CALN1: variants seen among roughly 807,000 people sequenced by gnomAD.
CALN1 encodes calcium-binding protein 8.
Under a neutral mutation model 30.6 loss-of-function variants are expected in CALN1, and 17 were observed. That is an observed-to-expected ratio of 0.56 (90% CI 0.38 to 0.83). The LOEUF is 0.83. Ranked by LOEUF, CALN1 falls within the 40% of genes least tolerant of loss-of-function variation. The pLI is 0.00. For synonymous variants in CALN1, 156 were observed against 131.4 expected (o/e 1.19, Z -1.28); for missense variants, 291 against 354.9 (o/e 0.82, Z 1.45).
At chr7:72,028,929 T>C (rs1801262858) in intron 4 of CALN1, among the ~76,000 whole-genome samples, 1 of 152,010 alleles carries the variant, frequency 6.6e-6, no homozygotes, top group Admixed American at 6.6e-5. Context: ...AGGTGGAGGT[T>C]GCAGTGAGCT....
At chr7:72,219,500 C>T (rs1372588865) in intron 3 of CALN1, among the ~76,000 whole-genome samples, 1 of 152,062 alleles carries the variant, frequency 6.6e-6, no homozygotes, top group Admixed American at 6.6e-5. Flanking sequence ...AAAGTGCTGG[C>T]ATTACAGGCA....
At chr7:72,406,974 C>T (rs1806738808) in intron 1 of CALN1, among the ~76,000 whole-genome samples, 1 of 152,034 alleles carries the variant, frequency 6.6e-6, no homozygotes, top group Non-Finnish European at 1.5e-5. Context: ...CTGAAAATGC[C>T]CCTGGAACAC....
intron 5 of CALN1, among the ~76,000 whole-genome samples, chr7:71,980,187 CT>C (rs60273576): frequency 0.13 from 14,029 of 107,150 alleles, 792 homozygotes; most frequent in East Asian, 0.39. Flanking sequence ...TCTTCTTTTT[CT>C]TTTTTTTTTT....
chr7:72,419,357 A>G (rs1182866285), intron 1 of CALN1, among the ~76,000 whole-genome samples: 1 of 152,120 alleles, frequency 6.6e-6, no homozygotes, highest in Non-Finnish European at 1.5e-5. Context: ...GGGAAGGAAG[A>G]TTCCTCAGGT....
chr7:71,909,164 G>T (rs1208621134), intron 5 of CALN1, among the ~76,000 whole-genome samples: 1 of 152,068 alleles, frequency 6.6e-6, no homozygotes, highest in Non-Finnish European at 1.5e-5. Flanking sequence ...CAATAGGCAG[G>T]CACCAACACG....
intron 2 of CALN1, among the ~76,000 whole-genome samples, chr7:72,357,748 A>G (rs114448336): frequency 0.014 from 2,084 of 151,302 alleles, 97 homozygotes; most frequent in African/African-American, 0.048. Flanking sequence ...CAGAGGTAAA[A>G]AGAAATAAAC....
the CALN1 span, among the ~76,000 whole-genome samples, chr7:72,485,883 A>G: frequency 6.6e-6 from 1 of 152,172 alleles, no homozygotes; most frequent in Non-Finnish European, 1.5e-5. Context: ...CAAAAAAAAA[A>G]AGTTAACTGT....
chr7:72,183,322 G>A (rs186986527), intron 3 of CALN1, among the ~76,000 whole-genome samples: 2 of 152,154 alleles, frequency 1.3e-5, no homozygotes, highest in Middle Eastern at 3.2e-3. Flanking sequence ...AGGCAAGGAG[G>A]GGGAGAGGGT....
chr7:72,401,955 G>A (rs1806369118), intron 2 of CALN1, among the ~76,000 whole-genome samples: 1 of 152,080 alleles, frequency 6.6e-6, no homozygotes, highest in Non-Finnish European at 1.5e-5. Flanking sequence ...TTTATCCTAG[G>A]CTGGTAAAAG....
chr7:72,496,861 A>G, the CALN1 span, among the ~76,000 whole-genome samples: 1 of 152,230 alleles, frequency 6.6e-6, no homozygotes, highest in Non-Finnish European at 1.5e-5. Context: ...CCTGGGCAAC[A>G]GAGCAAGACT....
In CALN1 at chr7:72,196,646, G is replaced by A. The variant is rs139595736; in HGVS notation, c.244+82040C>T. 1.2e-3 allele frequency among the ~76,000 whole-genome samples: 186 copies of A among 152,310 alleles called. 1 individual carries two copies. Among genetic ancestry groups the A allele is most frequent in the African/African-American group, 4.4e-3 (184 of 41,574 alleles). On this transcript the variant is annotated intron_variant, in intron 3 of 6. Coordinates refer to ENST00000395275, the MANE Select transcript of CALN1 (RefSeq NM_031468.4). ...AAGAAAGATCTAGAGAAGCACACTGGGAGATAGGCCCAACTGATGGTGGAC... is the reference window on the plus strand; with the variant it reads ...AAGAAAGATCTAGAGAAGCACACTGAGAGATAGGCCCAACTGATGGTGGAC...
At chr7:71,987,933 G>A (rs844694) in intron 5 of CALN1, among the ~76,000 whole-genome samples, 19,304 of 152,080 alleles carry the variant, frequency 0.13, 1,801 homozygotes, top group East Asian at 0.38. Context: ...CTCACTCCTC[G>A]AATCCAGCGG....
chr7:72,134,102 G>C (rs960782214), intron 3 of CALN1, among the ~76,000 whole-genome samples: 4 of 152,170 alleles, frequency 2.6e-5, no homozygotes, highest in Non-Finnish European at 5.9e-5. Context: ...GAGGGACCTA[G>C]CTTAGGCCCT....
intron 1 of CALN1, among the ~76,000 whole-genome samples, chr7:72,410,547 A>T (rs1402253896): frequency 6.6e-6 from 1 of 152,212 alleles, no homozygotes; most frequent in African/African-American, 2.4e-5. Context: ...CACATCTGAA[A>T]ACTGAAATGA....
intron 2 of CALN1, among the ~76,000 whole-genome samples, chr7:72,354,850 C>G (rs1803130180): frequency 1.3e-5 from 2 of 151,706 alleles, no homozygotes; most frequent in Admixed American, 1.3e-4. Flanking sequence ...AAAGAAAACC[C>G]AGGAGAAAAT....
At chr7:72,040,171 A>G (rs1317419230) in intron 4 of CALN1, among the ~76,000 whole-genome samples, 4 of 152,050 alleles carry the variant, frequency 2.6e-5, no homozygotes, top group African/African-American at 7.2e-5. Flanking sequence ...TTTAATGTCA[A>G]CCTCTTAAAA....
intron 2 of CALN1, among the ~76,000 whole-genome samples, chr7:72,347,874 A>T (rs1301652306): frequency 1.3e-5 from 2 of 152,112 alleles, no homozygotes; most frequent in Admixed American, 6.5e-5. Context: ...CATGCTTATA[A>T]TCCCAGCACT....
chr7:71,873,001 ATTTT>A (rs371153112), intron 5 of CALN1, among the ~76,000 whole-genome samples: 4 of 115,618 alleles, frequency 3.5e-5, no homozygotes, highest in Non-Finnish European at 5.1e-5. Flanking sequence ...GTTTGTGACA[ATTTT>A]TTTTTTTTTT....
At chr7:72,308,366 G>GGT (rs1562868099) in intron 2 of CALN1, among the ~76,000 whole-genome samples, 1 of 95,306 alleles carries the variant, frequency 1.0e-5, no homozygotes, top group Non-Finnish European at 2.1e-5. Flanking sequence ...GCTGTCTGTG[G>GGT]GGGGGGGAGA....
Sources: allele counts gnomAD v4.1 joint callset (sites outside exome capture counted in the v4.1 genomes callset), GRCh38; gene constraint gnomAD v4.1.1; transcripts MANE v1.5; gene names NCBI Gene and HGNC (gene_info 2026-07-23, HGNC 2026-07-21).